ZNF559: variants seen among roughly 807,000 people sequenced by gnomAD.
ZNF559 encodes putative protein product of Nbla00121.
A neutral mutation model predicts 14.2 loss-of-function variants in ZNF559; 17 were observed. The ratio of observed to expected loss-of-function variants is 1.20; its 90% CI spans 0.82 to 1.80. The LOEUF is 1.80. Among genes scored for constraint, ZNF559 ranks in the 40% most tolerant of loss-of-function variants. ZNF559 has a pLI of 0.00. For missense variants in ZNF559, 740 were observed against 629.7 expected (o/e 1.18, Z -1.88); for synonymous variants, 244 against 212.4 (o/e 1.15, Z -1.29).
intron 2 of ZNF559, among the ~76,000 whole-genome samples, chr19:9,326,391 C>T (rs113542578): frequency 0.021 from 3,236 of 152,204 alleles, 111 homozygotes; most frequent in African/African-American, 0.074. Flanking sequence ...CACCATGCCC[C>T]GCCATTCACC....
chr19:9,330,734 C>T (rs1568359762), intron 2 of ZNF559, among the ~76,000 whole-genome samples: 1 of 152,148 alleles, frequency 6.6e-6, no homozygotes, highest in East Asian at 1.9e-4. Flanking sequence ...TCTCTGCTGT[C>T]ATTTAACTCA....
upstream of ZNF559, chr19:9,323,918 C>T (rs1383982940): frequency 1.8e-6 from 1 of 560,732 alleles, no homozygotes; most frequent in Admixed American, 3.1e-5. Flanking sequence ...CAAATCCCAG[C>T]TCTTGTTCTT....
In ZNF559 at chr19:9,341,159, G is replaced by T; in HGVS notation, c.218G>T (p.Gly73Val). 1 of 1,613,562 alleles carries T rather than the reference G, an allele frequency of 6.2e-7. No individual in the cohort carries two copies. The highest frequency in any genetic ancestry group is 8.5e-7 in the Non-Finnish European group (1 of 1,179,854). ...GCACCTCAGCAGAATTTTTTGCAGG[G>T]GAAAACATCCAGTGTGGTGGAAATG... ...WSAPQQNFLQ[G>V]KTSSVVEMER... Residue 73 changes from glycine (G) to valine (V), a missense_variant, in exon 6 of 7, where the codon GGG becomes GTG. Physicochemically the swap from Gly to Val is moderately radical, Grantham distance 109. Transcript: ENST00000603380.
In ZNF559 at chr19:9,343,144, G is replaced by C; in HGVS notation, c.*76G>C. The C allele has an allele frequency of 6.5e-7, 1 of 1,537,096 alleles. No homozygotes were observed. The highest frequency in any genetic ancestry group is 1.3e-5 in the South Asian group (1 of 78,768). ...CTTACTGAACATGTACTCATTCATA[G>C]TGGCAATGTACACAGTCATAAGGAA... On this transcript the variant is annotated 3_prime_UTR_variant, in exon 7 of 7. Coordinates refer to ENST00000603380, the MANE Select transcript of ZNF559 (RefSeq NM_032497.3).
At chr19:9,340,957 A>AT (rs1034133779) in intron 5 of ZNF559, 145 bp from the exon 6 acceptor site, 3 of 679,538 alleles carry the variant, frequency 4.4e-6, no homozygotes, top group Non-Finnish European at 5.0e-6. Context: ...AAATTTCTCA[A>AT]TTTATGTTTC....
At position 9,345,569 on chromosome 19, in the gene ZNF559, G is replaced by T. The variant is rs564347975; in HGVS notation, c.*2501G>T. ...CTAATGATGTCTTACATGGTTTCAC[G>T]TGCTTACTGGCCTTCTTTAAGCCTT... is the stretch of plus-strand genomic sequence containing the variant. On this transcript the variant is annotated 3_prime_UTR_variant, in exon 7 of 7. Transcript: ENST00000603380. 6.6e-6 allele frequency: 1 copy of T among 151,970 alleles called. No individual in the cohort carries two copies. The highest frequency in any genetic ancestry group is 2.1e-4 in the South Asian group (1 of 4,828). The allele number at this position is 151,970 out of a possible 1,614,324, so 9.4% of individuals were successfully genotyped here.
chr19:9,330,576 T>G (rs1047087903), intron 2 of ZNF559, among the ~76,000 whole-genome samples: 3 of 152,212 alleles, frequency 2.0e-5, no homozygotes, highest in African/African-American at 4.8e-5. Context: ...TTTGATGATG[T>G]CTGCTCTTGG....
Position 9,344,474 on chromosome 19 carries a change from C to CT in ZNF559, c.*1408dup, listed in dbSNP as rs766063491. ...CCTGGGCAATATAGTGAAACCTCAT[C>CT]TTGACAAAGAATAAATAAGATTAAC... On this transcript the variant is annotated 3_prime_UTR_variant, in exon 7 of 7. Transcript: ENST00000603380. 1 of 152,106 alleles carries CT rather than the reference C, an allele frequency of 6.6e-6. No individual in the cohort carries two copies. Among genetic ancestry groups the CT allele is most frequent in the Non-Finnish European group, 1.5e-5 (1 of 68,052 alleles). The allele number at this position is 152,106 out of a possible 1,614,324, so 9.4% of individuals were successfully genotyped here.
upstream of ZNF559, chr19:9,323,783 G>A (rs576498028): frequency 5.1e-6 from 1 of 196,166 alleles, no homozygotes; most frequent in Non-Finnish European, 1.0e-5. Context: ...ATTTACAGGA[G>A]GTGAGCATGA....
In ZNF559 at chr19:9,342,399, A is replaced by G. The variant is rs2067624396; in HGVS notation, c.948A>G (p.Ile316Met). Residue 316 changes from isoleucine to methionine, a missense_variant, in exon 7 of 7, where the codon ATA becomes ATG. Transcript: ENST00000603380. ...GTTTCTCAAAACTCAACATTCACATAAGGGTTCACACTGGAGAAAAACCGT... is the reference window on the plus strand; with the variant it reads ...GTTTCTCAAAACTCAACATTCACATGAGGGTTCACACTGGAGAAAAACCGT... The part of the protein sequence containing the change: ...FTCFSKLNIH[I>M]RVHTGEKPYE... 6.2e-7 allele frequency: 1 copy of G among 1,612,962 alleles called. No individual in the cohort carries two copies. The highest frequency in any genetic ancestry group is 8.5e-7 in the Non-Finnish European group (1 of 1,179,642).
chr19:9,327,023 T>G (rs1209618620), intron 2 of ZNF559, among the ~76,000 whole-genome samples: 3 of 152,180 alleles, frequency 2.0e-5, no homozygotes, highest in African/African-American at 4.8e-5. Flanking sequence ...GATCCAAGGC[T>G]TCCATTTTCT....
In ZNF559 at chr19:9,342,303, T is replaced by A; in HGVS notation, c.852T>A (p.Leu284=). The A allele has an allele frequency of 6.3e-7, 1 of 1,592,468 alleles. No individual in the cohort carries two copies. Among genetic ancestry groups the A allele is most frequent in the Non-Finnish European group, 8.5e-7 (1 of 1,172,632 alleles). ...FGKAFAFSPD[L]AKHIRLRTRG... The stretch of plus-strand genomic sequence containing the variant: ...AAGCCTTTGCTTTTTCCCCAGATCT[T>A]GCTAAACATATAAGACTTAGAACTA... The change falls in exon 7 of 7, where the codon CTT becomes CTA. Residue 284 remains leucine (L), a synonymous_variant. Coordinates refer to ENST00000603380, the MANE Select transcript of ZNF559 (RefSeq NM_032497.3).
chr19:9,339,934 ATTTTTTTTTTTTTTT>A (rs545536064), intron 5 of ZNF559, among the ~76,000 whole-genome samples: 1 of 86,420 alleles, frequency 1.2e-5, no homozygotes, highest in Non-Finnish European at 2.1e-5. Flanking sequence ...ACGCCTGGCT[ATTTTTTTTTTTTTTT>A]TTTTTTTTTT....
At chr19:9,327,241 G>GTTTTTTT (rs56108753) in intron 2 of ZNF559, among the ~76,000 whole-genome samples, 1 of 150,280 alleles carries the variant, frequency 6.7e-6, no homozygotes. Flanking sequence ...GTTTTGTTTT[G>GTTTTTTT]TTTTTTTTTG....
At chr19:9,326,105 ATTTTTTTTTTTTTTT>A (rs71183701) in intron 2 of ZNF559, among the ~76,000 whole-genome samples, 5 of 73,696 alleles carry the variant, frequency 6.8e-5, no homozygotes, top group African/African-American at 2.4e-4. Context: ...TATTCACCTG[ATTTTTTTTTTTTTTT>A]TTTTTTTTTT....
chr19:9,340,179 T>C (rs963601646), intron 5 of ZNF559, among the ~76,000 whole-genome samples: 8 of 151,816 alleles, frequency 5.3e-5, no homozygotes, highest in African/African-American at 1.9e-4. Context: ...ACAAGAAGAG[T>C]TAAAGACAGC....
intron 2 of ZNF559, among the ~76,000 whole-genome samples, chr19:9,325,374 C>A (rs927671757): frequency 1.2e-4 from 18 of 151,570 alleles, no homozygotes; most frequent in African/African-American, 4.4e-4. Flanking sequence ...CATGGGAGGT[C>A]GAGGCTGCTG....
Position 9,342,227 on chromosome 19 carries a change from A to G in ZNF559, c.776A>G (p.His259Arg), listed in dbSNP as rs764897090. 6.3e-7 allele frequency: 1 copy of G among 1,588,078 alleles called. No individual in the cohort carries two copies. The highest frequency in any genetic ancestry group is 1.4e-5 in the African/African-American group (1 of 73,304). Residue 259 changes from histidine to arginine, a missense_variant, in exon 7 of 7, where the codon CAT becomes CGT. Physicochemically the swap from His to Arg is conservative, Grantham distance 29. Transcript: ENST00000603380. Reference protein sequence around the residue: ...PFTESSYLTQHLRTHSRVLPI... With the variant: ...PFTESSYLTQRLRTHSRVLPI... The stretch of plus-strand genomic sequence containing the variant: ...ACTGAGTCGTCATATCTTACTCAAC[A>G]TTTAAGAACTCATAGTAGAGTGTTA...
chr19:9,325,907 C>T (rs189759764), intron 2 of ZNF559, among the ~76,000 whole-genome samples: 102 of 152,160 alleles, frequency 6.7e-4, no homozygotes, highest in Non-Finnish European at 3.8e-4. Flanking sequence ...TGAACTTTCC[C>T]CTTTTAAGCG....
Sources: gnomAD v4.1 joint callset for allele counts (sites outside exome capture counted in the v4.1 genomes callset) on GRCh38, gnomAD v4.1.1 for gene constraint, MANE v1.5 for transcripts, NCBI Gene and HGNC (gene_info 2026-07-23, HGNC 2026-07-21) for gene names.